Variants in ZNF385B observed in about 807,000 individuals in gnomAD.
ZNF385B encodes zinc finger protein 533.
Under a neutral mutation model 39.2 loss-of-function variants are expected in ZNF385B, and 23 were observed. The observed-to-expected ratio is 0.59, with a 90% confidence interval of 0.42 to 0.83. The LOEUF is 0.83. Ranked by LOEUF, ZNF385B falls within the 40% of genes least tolerant of loss-of-function variation. ZNF385B has a pLI of 0.00. For synonymous variants in ZNF385B, 205 were observed against 222.6 expected (o/e 0.92, Z 0.70); for missense variants, 552 against 598.9 (o/e 0.92, Z 0.82).
intron 3 of ZNF385B, among the ~76,000 whole-genome samples, chr2:179,551,895 C>G (rs2060599541): frequency 6.6e-6 from 1 of 152,024 alleles, no homozygotes; most frequent in Non-Finnish European, 1.5e-5. Context: ...ACCAGTTTCA[C>G]TCTTATCATG....
At chr2:179,829,789 A>G (rs1707882732) in intron 1 of ZNF385B, among the ~76,000 whole-genome samples, 1 of 152,256 alleles carries the variant, frequency 6.6e-6, no homozygotes, top group Non-Finnish European at 1.5e-5. Context: ...CTGGGATTAC[A>G]GGCGTGACCC....
At chr2:179,678,760 ACT>A (rs1697207123) in intron 3 of ZNF385B, among the ~76,000 whole-genome samples, 1 of 152,092 alleles carries the variant, frequency 6.6e-6, no homozygotes, top group Admixed American at 6.6e-5. Context: ...CCTCTGCCAT[ACT>A]CTCTGTTATT....
At chr2:179,807,541 C>G (rs1191499005) in intron 1 of ZNF385B, among the ~76,000 whole-genome samples, 1 of 152,016 alleles carries the variant, frequency 6.6e-6, no homozygotes, top group Admixed American at 6.5e-5. Flanking sequence ...CAAGATCTTA[C>G]CACTGCTCTC....
At chr2:179,746,221 A>G (rs573699527) in intron 3 of ZNF385B, among the ~76,000 whole-genome samples, 25 of 152,318 alleles carry the variant, frequency 1.6e-4, no homozygotes, top group African/African-American at 6.0e-4. Context: ...ATCTATTGAA[A>G]TTGTGTAAAT....
At chr2:179,665,975 G>T (rs1343517847) in intron 3 of ZNF385B, among the ~76,000 whole-genome samples, 1 of 152,204 alleles carries the variant, frequency 6.6e-6, no homozygotes, top group Non-Finnish European at 1.5e-5. Context: ...ATTGCCAGCT[G>T]GGAGGAATGT....
intron 5 of ZNF385B, among the ~76,000 whole-genome samples, chr2:179,513,052 T>C (rs900028402): frequency 1.3e-5 from 2 of 152,166 alleles, no homozygotes; most frequent in Non-Finnish European, 2.9e-5. Flanking sequence ...AACCGCAAAA[T>C]GCAGTCTGTT....
chr2:179,654,286 A>C (rs1693506192), intron 3 of ZNF385B, among the ~76,000 whole-genome samples: 1 of 152,172 alleles, frequency 6.6e-6, no homozygotes, highest in South Asian at 2.1e-4. Context: ...GCAAAAATAG[A>C]GTAAAACATT....
At chr2:179,483,097 T>C (rs745608638) in intron 6 of ZNF385B, among the ~76,000 whole-genome samples, 175 bp downstream of exon 6, 38 of 152,086 alleles carry the variant, frequency 2.5e-4, no homozygotes, top group Non-Finnish European at 5.0e-4. Context: ...AATGGAAACA[T>C]ATCAAATGCT....
intron 3 of ZNF385B, among the ~76,000 whole-genome samples, chr2:179,571,656 A>C (rs1685223893): frequency 6.6e-6 from 1 of 152,210 alleles, no homozygotes; most frequent in Non-Finnish European, 1.5e-5. Context: ...ATTCAGTTAC[A>C]ACCTTTAAGT....
intron 3 of ZNF385B, among the ~76,000 whole-genome samples, chr2:179,757,227 A>G (rs143858448): frequency 6.9e-6 from 1 of 145,216 alleles, no homozygotes; most frequent in Non-Finnish European, 1.5e-5. Flanking sequence ...CTGGAGGTCC[A>G]CTCCAGACCC....
In ZNF385B at chr2:179,730,689, A is replaced by C. The variant is rs922322714; in HGVS notation, c.298+38814T>G. ...TGATAAATAATTTAGTACAAAATTT[A>C]AGCTCAATAAATGATATTGAATGAT... On this transcript the variant is annotated intron_variant, in intron 3 of 9. Transcript: ENST00000410066. 2.6e-5 allele frequency among the ~76,000 whole-genome samples: 4 copies of C among 152,062 alleles called. No homozygotes were observed. The South Asian group carries it at 8.3e-4, about 31-fold the overall frequency.
Position 179,444,808 on chromosome 2 carries a change from G to T in ZNF385B, c.1242+68C>A. ...TGACATTAGACTCTATGCCCTCCTTGCCCACAATGGCTGCCCAACCCAGCA... is the reference window on the plus strand; with the variant it reads ...TGACATTAGACTCTATGCCCTCCTTTCCCACAATGGCTGCCCAACCCAGCA... On this transcript the variant is annotated intron_variant, in intron 9 of 9. Coordinates refer to ENST00000410066, the MANE Select transcript of ZNF385B (RefSeq NM_152520.6). 4.6e-6 allele frequency: 6 copies of T among 1,313,634 alleles called. No individual in the cohort carries two copies. In the Admixed American group the frequency reaches 8.4e-5, roughly 18 times the overall value. 81.4% of individuals were successfully genotyped at this position (1,313,634 alleles called of 1,614,324 possible).
intron 1 of ZNF385B, among the ~76,000 whole-genome samples, chr2:179,797,478 T>C (rs1705743391): frequency 6.6e-6 from 1 of 152,220 alleles, no homozygotes; most frequent in Non-Finnish European, 1.5e-5. Context: ...CCAATTTTCA[T>C]CTGCATGTTT....
At position 179,829,324 on chromosome 2, in the gene ZNF385B, A is replaced by G. The variant is rs532294629; in HGVS notation, c.-155+31777T>C. On this transcript the variant is annotated intron_variant, in intron 1 of 9. Coordinates refer to ENST00000410066, the MANE Select transcript of ZNF385B (RefSeq NM_152520.6). ...ATCCAAGAATAATGTAAATTCACTT[A>G]CCAGAGTGAAAATTAAACAACTGTA... Among the ~76,000 whole-genome samples, 4 of 152,326 alleles carry G rather than the reference A, an allele frequency of 2.6e-5. No individual in the cohort carries two copies. The South Asian group carries it at 6.2e-4, about 24-fold the overall frequency.
chr2:179,464,667 G>T (rs2051781858), intron 6 of ZNF385B, among the ~76,000 whole-genome samples: 1 of 152,126 alleles, frequency 6.6e-6, no homozygotes, highest in African/African-American at 2.4e-5. Flanking sequence ...TAGATGTGTG[G>T]TGTTATTTCT....
At chr2:179,791,126 CA>C (rs1190629467) in intron 1 of ZNF385B, among the ~76,000 whole-genome samples, 3 of 152,164 alleles carry the variant, frequency 2.0e-5, no homozygotes, top group African/African-American at 4.8e-5. Flanking sequence ...TTTAATTATA[CA>C]AAAATCTCCT....
At chr2:179,497,816 C>CA (rs1040129920) in intron 5 of ZNF385B, among the ~76,000 whole-genome samples, 1 of 151,950 alleles carries the variant, frequency 6.6e-6, no homozygotes, top group Non-Finnish European at 1.5e-5. Context: ...CTGCTGCCTA[C>CA]AAAAAACACA....
Position 179,681,543 on chromosome 2 carries a change from CTG to C in ZNF385B, c.298+87958_298+87959del, listed in dbSNP as rs372884230. Among the ~76,000 whole-genome samples, 596 of 152,288 alleles carry C rather than the reference CTG, an allele frequency of 3.9e-3. 1 individual carries two copies. Among genetic ancestry groups the C allele is most frequent in the South Asian group, 0.018 (88 of 4,832 alleles). On this transcript the variant is annotated intron_variant, in intron 3 of 9. Transcript: ENST00000410066. ...CTTTGGTAATAAAATAATTTAATGACTGTGATCCCTTTGTATAGCTTAAATAC... is the reference window on the plus strand; with the variant it reads ...CTTTGGTAATAAAATAATTTAATGACTGATCCCTTTGTATAGCTTAAATAC...
At chr2:179,714,113 T>G (rs1394915194) in intron 3 of ZNF385B, among the ~76,000 whole-genome samples, 1 of 152,064 alleles carries the variant, frequency 6.6e-6, no homozygotes, top group Admixed American at 6.6e-5. Flanking sequence ...GACAAACCTA[T>G]GAAGAACTGA....
Sources: gnomAD v4.1 joint callset for allele counts (sites outside exome capture counted in the v4.1 genomes callset) on GRCh38, gnomAD v4.1.1 for gene constraint, MANE v1.5 for transcripts, NCBI Gene and HGNC (gene_info 2026-07-23, HGNC 2026-07-21) for gene names.